The following ZNF479 variants were observed in gnomAD, a reference collection of about 807,000 sequenced individuals.
ZNF479 encodes zinc finger protein 479.
A neutral mutation model predicts 14.7 loss-of-function variants in ZNF479; 15 were observed. The observed-to-expected ratio is 1.02, with a 90% CI of 0.68 to 1.57. The LOEUF is 1.57. ZNF479 is among the 40% of genes most tolerant of loss of function. The pLI is 0.00. For synonymous variants in ZNF479, 145 were observed against 211.5 expected (o/e 0.69, Z 2.73); for missense variants, 506 against 615.1 (o/e 0.82, Z 1.88).
chr7:57,137,545 A>G (rs891806250), intron 1 of ZNF479, among the ~76,000 whole-genome samples: 18 of 152,214 alleles, frequency 1.2e-4, no homozygotes, highest in Admixed American at 6.5e-5. Context: ...AGGTGCCACA[A>G]TAGGCATTTT....
chr7:57,127,613 G>C (rs1285812119), intron 1 of ZNF479: 1 of 887,874 alleles, frequency 1.1e-6, no homozygotes, highest in African/African-American at 1.8e-5. Flanking sequence ...ATAAAGATAA[G>C]AGCCTTCATT....
In ZNF479 at chr7:57,132,309, C is replaced by G. The variant is rs777740100; in HGVS notation, c.16G>C (p.Gly6Arg). 14 of 1,614,124 alleles carry G rather than the reference C, an allele frequency of 8.7e-6. No homozygotes were observed. Among genetic ancestry groups the G allele is most frequent in the Non-Finnish European group, 1.1e-5 (13 of 1,180,024 alleles). The change falls in exon 1 of 4, where the codon GGA becomes CGA. Residue 6 changes from glycine to arginine, a missense_variant. Gly to Arg is a moderately radical substitution (Grantham distance 125). This residue lies in a region of ZNF479 where 420 missense variants were observed against 474.2 expected (regional missense o/e 0.89). Coordinates refer to ENST00000319636, the MANE Select transcript of ZNF479 (RefSeq NM_001370129.2). MAKRPGPPGSREMGLL... is the reference protein window; with the variant it reads MAKRPRPPGSREMGLL... ...ACCATTTCTCGGCTTCCAGGGGGTC[C>G]TGGTCTTTTAGCCATAAATCTGCAG...
chr7:57,137,113 G>C (rs549743492), upstream of ZNF479, among the ~76,000 whole-genome samples: 3 of 152,284 alleles, frequency 2.0e-5, no homozygotes, highest in East Asian at 5.8e-4. Flanking sequence ...CAAGTAGTAA[G>C]AGAATTAAAT....
In ZNF479 at chr7:57,121,160, A is replaced by G. The variant is rs1171409762; in HGVS notation, c.263-8T>C. On this transcript the variant is annotated splice_region_variant and splice_polypyrimidine_tract_variant and intron_variant, in intron 3 of 3. Transcript: ENST00000319636. Reference sequence around the variant, plus strand: ...TGAAATGGGAACGCGTAACTGAAAGACACAAAAAGCACAAGTTACTCCACT... The same window carrying G: ...TGAAATGGGAACGCGTAACTGAAAGGCACAAAAAGCACAAGTTACTCCACT... The G allele has an allele frequency of 2.0e-5, 33 of 1,613,536 alleles. No homozygotes were observed. The highest frequency in any genetic ancestry group is 2.7e-5 in the African/African-American group (2 of 74,872).
intron 1 of ZNF479, among the ~76,000 whole-genome samples, chr7:57,129,017 A>T (rs57238231): frequency 0.29 from 43,350 of 152,082 alleles, 7,152 homozygotes; most frequent in East Asian, 0.53. Context: ...CGAGACTTGC[A>T]GAAAACATTC....
upstream of ZNF479, among the ~76,000 whole-genome samples, chr7:57,133,183 G>T (rs1394917228): frequency 2.6e-5 from 4 of 152,158 alleles, no homozygotes; most frequent in Admixed American, 2.6e-4. Flanking sequence ...GACCGGGCAG[G>T]AGGTGATTGG....
upstream of ZNF479, among the ~76,000 whole-genome samples, chr7:57,135,421 G>C (rs1786601318): frequency 6.6e-6 from 1 of 151,848 alleles, no homozygotes; most frequent in Non-Finnish European, 1.5e-5. Context: ...TTGTTTTTTT[G>C]TTTGTTTTGA....
chr7:57,122,754 A>G (rs1210443162), intron 3 of ZNF479, among the ~76,000 whole-genome samples: 2 of 152,132 alleles, frequency 1.3e-5, no homozygotes, highest in African/African-American at 4.8e-5. Context: ...CATGAAAGCA[A>G]ATGAGTCGAT....
At position 57,118,148 on chromosome 7, in the gene ZNF479, C is replaced by T. The variant is rs1785761133; in HGVS notation, c.*1692G>A. On this transcript the variant is annotated 3_prime_UTR_variant, in exon 4 of 4. Transcript: ENST00000319636. ...GAAAAAATGTTTTTCACATTCATTACATGTTTAGACTTTCTCTCCAATATA... is the reference window on the plus strand; with the variant it reads ...GAAAAAATGTTTTTCACATTCATTATATGTTTAGACTTTCTCTCCAATATA... Among the ~76,000 whole-genome samples the T allele has an allele frequency of 6.6e-6, 1 of 152,260 alleles. No homozygotes were observed. Among genetic ancestry groups the T allele is most frequent in the Non-Finnish European group, 1.5e-5 (1 of 68,044 alleles).
chr7:57,128,766 T>C (rs945415861), intron 1 of ZNF479, among the ~76,000 whole-genome samples: 2 of 152,056 alleles, frequency 1.3e-5, no homozygotes, highest in African/African-American at 2.4e-5. Flanking sequence ...ACAGCACAAG[T>C]AGAGAAGTAA....
chr7:57,117,690 A>T lies in ZNF479; in HGVS notation c.*2150T>A, dbSNP rs1554399299. Reference sequence around the variant, plus strand: ...GACACATAATCTTTAAAAAATTTTTAAATTTATTGCATTTTATTACATAAA... The same window carrying T: ...GACACATAATCTTTAAAAAATTTTTTAATTTATTGCATTTTATTACATAAA... On this transcript the variant is annotated 3_prime_UTR_variant, in exon 4 of 4. Transcript: ENST00000319636. Among the ~76,000 whole-genome samples the T allele has an allele frequency of 2.0e-5, 3 of 152,276 alleles. No homozygotes were observed. Among genetic ancestry groups the T allele is most frequent in the East Asian group, 1.9e-4 (1 of 5,204 alleles).
rs193272575 is a variant in ZNF479, at chr7:57,129,177, G to A, written c.40-2459C>T. 4.6e-5 allele frequency among the ~76,000 whole-genome samples: 7 copies of A among 152,216 alleles called. No individual in the cohort carries two copies. The East Asian group carries it at 9.7e-4, about 21-fold the overall frequency. On this transcript the variant is annotated intron_variant, in intron 1 of 3. Coordinates refer to ENST00000319636, the MANE Select transcript of ZNF479 (RefSeq NM_001370129.2). ...CTTTACAGTAATGGGAGCATGAACC[G>A]CACTGACCTCTTCCTACCAAACTGA...
rs1402428328 is a variant in ZNF479 at position 57,119,656 on chromosome 7, G to A, written c.*184C>T. On this transcript the variant is annotated 3_prime_UTR_variant, in exon 4 of 4. Coordinates refer to ENST00000319636, the MANE Select transcript of ZNF479 (RefSeq NM_001370129.2). Reference sequence around the variant, plus strand: ...CTCTTAGGTTTATTAAGGTTTGAGGGTTGGTTAAAGGCTTTGTTACATTTT... The same window carrying A: ...CTCTTAGGTTTATTAAGGTTTGAGGATTGGTTAAAGGCTTTGTTACATTTT... 1.6e-6 allele frequency: 1 copy of A among 625,994 alleles called. No homozygotes were observed. Among genetic ancestry groups the A allele is most frequent in the Non-Finnish European group, 2.8e-6 (1 of 356,498 alleles). 38.8% of individuals were successfully genotyped at this position (625,994 alleles called of 1,614,324 possible). A position where few individuals can be genotyped will look rare whatever the true frequency, so the allele number is the denominator to read the frequency against.
chr7:57,122,330 C>A (rs1303758766), intron 3 of ZNF479, among the ~76,000 whole-genome samples: 1 of 136,060 alleles, frequency 7.3e-6, no homozygotes, highest in Non-Finnish European at 1.7e-5. Flanking sequence ...TAAAACTCTT[C>A]CAGAATGAAT....
chr7:57,128,316 C>G (rs34928938), intron 1 of ZNF479, among the ~76,000 whole-genome samples: 1 of 151,974 alleles, frequency 6.6e-6, no homozygotes, highest in Non-Finnish European at 1.5e-5. Flanking sequence ...TAATTTTTAT[C>G]AGTAATTTTA....
chr7:57,137,836 C>A (rs1786715274), intron 1 of ZNF479, among the ~76,000 whole-genome samples: 1 of 152,180 alleles, frequency 6.6e-6, no homozygotes, highest in African/African-American at 2.4e-5. Context: ...GTGACTCTCC[C>A]TTTCTGCCTG....
At chr7:57,123,247 C>G (rs1216123840) in intron 3 of ZNF479, among the ~76,000 whole-genome samples, 1 of 152,082 alleles carries the variant, frequency 6.6e-6, no homozygotes, top group African/African-American at 2.4e-5. Context: ...GGTGGAGGAG[C>G]CAGGTTCCTT....
intron 1 of ZNF479, among the ~76,000 whole-genome samples, chr7:57,130,071 A>G (rs981848059): frequency 3.3e-5 from 5 of 152,268 alleles, no homozygotes; most frequent in African/African-American, 9.6e-5. Flanking sequence ...TGTTACAATT[A>G]AAAGAATTTC....
At chr7:57,136,209 C>A (rs187369892), upstream of ZNF479, among the ~76,000 whole-genome samples, 10 of 152,072 alleles carry the variant, frequency 6.6e-5, no homozygotes, top group Admixed American at 6.6e-4. Flanking sequence ...CATGGCGAAA[C>A]CTCATCTCTA....
Sources: allele counts gnomAD v4.1 joint callset (sites outside exome capture counted in the v4.1 genomes callset), GRCh38; gene constraint gnomAD v4.1.1; regional missense constraint gnomAD v4.1.1; transcripts MANE v1.5; gene names NCBI Gene and HGNC (gene_info 2026-07-23, HGNC 2026-07-21).